Variants in AIM2 observed in about 807,000 individuals in gnomAD.
The protein encoded by AIM2 is absent in melanoma 2, also known as interferon-inducible protein AIM2.
AIM2 carries 30 observed loss-of-function variants against 27.7 expected under a neutral mutation model. That is an observed-to-expected ratio of 1.08 (90% CI 0.81 to 1.47). The LOEUF (loss-of-function observed/expected upper bound fraction) is 1.47. Ranked by LOEUF, AIM2 falls within the 40% of genes most tolerant of loss-of-function variation. The probability of loss-of-function intolerance (pLI) is 0.00; values close to 1 mark genes in which losing one functional copy is unlikely to be tolerated. For synonymous variants in AIM2, 141 were observed against 145.3 expected, an observed-to-expected ratio of 0.97 and a Z score of 0.21; for missense variants, 358 against 411.3, an observed-to-expected ratio of 0.87 and a Z score of 1.12.
At chr1:159,128,745 C>T (rs1228657218) in intron 1 of AIM2, among the ~76,000 whole-genome samples, 1 of 152,146 alleles carries the variant, frequency 6.6e-6, no homozygotes, top group Non-Finnish European at 1.5e-5. Context: ...AAATTCATGA[C>T]AATAAACTTC....
At chr1:159,131,194 T>C (rs908813533) in intron 1 of AIM2, among the ~76,000 whole-genome samples, 1 of 152,158 alleles carries the variant, frequency 6.6e-6, no homozygotes, top group African/African-American at 2.4e-5. Flanking sequence ...CCAATGCATC[T>C]CCAGTGCCTC....
At chr1:159,062,205 T>A (rs1655859732), downstream of AIM2, among the ~76,000 whole-genome samples, 1 of 152,202 alleles carries the variant, frequency 6.6e-6, no homozygotes, top group African/African-American at 2.4e-5. Flanking sequence ...AATTGTGTTA[T>A]TATTTCTATA....
chr1:159,127,248 CAT>C (rs1360702042), intron 1 of AIM2, among the ~76,000 whole-genome samples: 1 of 152,120 alleles, frequency 6.6e-6, no homozygotes, highest in Non-Finnish European at 1.5e-5. Context: ...CTAAATGGTT[CAT>C]ATACATTCCA....
intron 1 of AIM2, among the ~76,000 whole-genome samples, chr1:159,124,062 C>T (rs1647612947): frequency 6.6e-6 from 1 of 152,174 alleles, no homozygotes; most frequent in African/African-American, 2.4e-5. Context: ...CCCCTAACTC[C>T]TTTCAATTAC....
chr1:159,061,170 T>C (rs2101955768), downstream of AIM2, among the ~76,000 whole-genome samples: 1 of 152,330 alleles, frequency 6.6e-6, no homozygotes, highest in Non-Finnish European at 1.5e-5. Flanking sequence ...TGTCAGCACT[T>C]GGTATGGGTA....
chr1:159,085,759 A>C (rs150931032), intron 1 of AIM2, among the ~76,000 whole-genome samples: 70 of 152,324 alleles, frequency 4.6e-4, no homozygotes, highest in African/African-American at 1.6e-3. Context: ...AGAGTCAACA[A>C]GGAAGACTTA....
intron 1 of AIM2, among the ~76,000 whole-genome samples, chr1:159,116,684 G>C (rs1647358986): frequency 1.3e-5 from 2 of 152,042 alleles, no homozygotes; most frequent in South Asian, 4.2e-4. Flanking sequence ...GGCCTGTTGT[G>C]GGGTAGGGGG....
intron 1 of AIM2, among the ~76,000 whole-genome samples, chr1:159,092,811 G>T (rs183895597): frequency 3.3e-5 from 5 of 152,184 alleles, no homozygotes; most frequent in Non-Finnish European, 7.4e-5. Context: ...ATCAATTGAG[G>T]TCAGGAGTTC....
intron 1 of AIM2, among the ~76,000 whole-genome samples, chr1:159,131,463 G>A (rs549945471): frequency 1.3e-5 from 2 of 152,264 alleles, no homozygotes; most frequent in East Asian, 3.9e-4. Flanking sequence ...TTGTCATACA[G>A]TACATTTGAA....
chr1:159,122,066 T>A (rs1420494939), intron 1 of AIM2, among the ~76,000 whole-genome samples: 1 of 151,762 alleles, frequency 6.6e-6, no homozygotes, highest in Non-Finnish European at 1.5e-5. Flanking sequence ...AGTTAAAGAG[T>A]AAAGGGTACA....
At chr1:159,112,653 G>C (rs1657601505) in intron 1 of AIM2, among the ~76,000 whole-genome samples, 1 of 152,134 alleles carries the variant, frequency 6.6e-6, no homozygotes, top group Non-Finnish European at 1.5e-5. Context: ...CAAAAGAATA[G>C]TTTTATGAAT....
At chr1:159,119,791 T>C (rs547374696) in intron 1 of AIM2, among the ~76,000 whole-genome samples, 2 of 152,048 alleles carry the variant, frequency 1.3e-5, no homozygotes, top group African/African-American at 4.8e-5. Context: ...TGTGTGTGCA[T>C]GTGTTTGTGT....
chr1:159,109,929 T>C (rs1338815693), intron 1 of AIM2, among the ~76,000 whole-genome samples: 1 of 152,088 alleles, frequency 6.6e-6, no homozygotes, highest in Admixed American at 6.5e-5. Context: ...ATGGAAGTGG[T>C]GAACAGGGAA....
intron 1 of AIM2, among the ~76,000 whole-genome samples, chr1:159,138,093 G>A (rs953046020): frequency 6.6e-6 from 1 of 152,158 alleles, no homozygotes; most frequent in Non-Finnish European, 1.5e-5. Flanking sequence ...ATGGGCATGG[G>A]AAAGTTATGT....
downstream of AIM2, among the ~76,000 whole-genome samples, chr1:159,058,503 G>A (rs768444150): frequency 2.0e-5 from 3 of 152,010 alleles, no homozygotes; most frequent in Non-Finnish European, 4.4e-5. Context: ...GGGTGATGAG[G>A]AGCCACTGCT....
At chr1:159,143,398 C>G (rs1221204920), upstream of AIM2, among the ~76,000 whole-genome samples, 5 of 152,124 alleles carry the variant, frequency 3.3e-5, no homozygotes, top group Non-Finnish European at 5.9e-5. Flanking sequence ...ACAGAATAGA[C>G]CTTTCTATCC....
chr1:159,142,510 C>A (rs1400079424), upstream of AIM2, among the ~76,000 whole-genome samples: 3 of 152,180 alleles, frequency 2.0e-5, no homozygotes, highest in East Asian at 5.8e-4. Context: ...CTCACACAGC[C>A]CTCCTGTATC....
intron 2 of AIM2, among the ~76,000 whole-genome samples, chr1:159,072,019 GAATT>G (rs1656382523): frequency 6.6e-6 from 1 of 152,150 alleles, no homozygotes; most frequent in Non-Finnish European, 1.5e-5. Flanking sequence ...TCAAAGAGAA[GAATT>G]AATTCTTGAT....
intron 1 of AIM2, among the ~76,000 whole-genome samples, chr1:159,123,121 A>G (rs1038974178): frequency 3.3e-5 from 5 of 152,196 alleles, no homozygotes; most frequent in Non-Finnish European, 7.3e-5. Context: ...TCAACCCACA[A>G]ATGAAATAGT....
Sources: allele counts gnomAD v4.1 joint callset (sites outside exome capture counted in the v4.1 genomes callset), GRCh38; gene constraint gnomAD v4.1.1; transcripts MANE v1.5; gene names NCBI Gene and HGNC (gene_info 2026-07-23, HGNC 2026-07-21).